PCDHGB1: variants seen among roughly 807,000 people sequenced by gnomAD.
The protein encoded by PCDHGB1 is protocadherin gamma-B1.
PCDHGB1 carries 34 observed loss-of-function variants against 56.6 expected under a neutral mutation model. The ratio of observed to expected loss-of-function variants is 0.60; its 90% CI spans 0.46 to 0.80. The LOEUF is 0.80. PCDHGB1 is among the 30% of genes least tolerant of loss of function. The probability of loss-of-function intolerance (pLI) is 0.00; values close to 1 mark genes in which losing one functional copy is unlikely to be tolerated. For synonymous variants in PCDHGB1, 561 were observed against 505.9 expected (o/e 1.11, Z -1.46); for missense variants, 1,278 against 1,204.6 (o/e 1.06, Z -0.90).
intron 1 of PCDHGB1, chr5:141,359,969 T>G: frequency 3.0e-6 from 2 of 675,724 alleles, no homozygotes; most frequent in Non-Finnish European, 4.4e-6. Context: ...GAGAAGCGTT[T>G]GGGAGCCTCT....
At chr5:141,389,537 C>T in intron 1 of PCDHGB1, 2 of 1,613,216 alleles carry the variant, frequency 1.2e-6, no homozygotes, top group Non-Finnish European at 8.5e-7. Context: ...TGTTAGTGGA[C>T]GACCGCAACG....
intron 1 of PCDHGB1, chr5:141,389,586 G>T: frequency 6.2e-7 from 1 of 1,613,166 alleles, no homozygotes; most frequent in Non-Finnish European, 8.5e-7. Context: ...GCTGGGTCCC[G>T]ACGGCTCTGC....
intron 1 of PCDHGB1, chr5:141,371,441 G>C: frequency 1.2e-6 from 2 of 1,613,958 alleles, no homozygotes; most frequent in Non-Finnish European, 1.7e-6. Context: ...AGATAACCCT[G>C]GCTTCTGAAT....
At chr5:141,399,821 C>T in intron 1 of PCDHGB1, 1 of 1,613,210 alleles carries the variant, frequency 6.2e-7, no homozygotes, top group Non-Finnish European at 8.5e-7. Flanking sequence ...GCGCTGGGTC[C>T]CGACGGCTCT....
intron 1 of PCDHGB1, chr5:141,398,772 G>A: frequency 6.2e-7 from 1 of 1,613,910 alleles, no homozygotes; most frequent in South Asian, 1.1e-5. Flanking sequence ...TGACTGCCTT[G>A]GACGGTGGAC....
chr5:141,355,826 A>G, intron 1 of PCDHGB1: 1 of 1,612,512 alleles, frequency 6.2e-7, no homozygotes, highest in Admixed American at 1.7e-5. Context: ...GCGGTTCACC[A>G]CCTCGTTCTC....
intron 1 of PCDHGB1, among the ~76,000 whole-genome samples, chr5:141,451,493 T>C (rs1554137340): frequency 2.0e-5 from 3 of 152,230 alleles, no homozygotes; most frequent in Admixed American, 2.0e-4. Context: ...TGGACCTCCA[T>C]AGGGCAACCA....
At position 141,511,456 on chromosome 5, in the gene PCDHGB1, C is replaced by A. The variant is rs900802210; in HGVS notation, c.*283C>A. ...TACTGTAGACACCAAGAACCATTTG[C>A]CACACCCCGTTTAGTTACAGCTGAA... On this transcript the variant is annotated 3_prime_UTR_variant, in exon 4 of 4. Transcript: ENST00000523390. 3.4e-6 allele frequency: 2 copies of A among 585,210 alleles called. No homozygotes were observed. The highest frequency in any genetic ancestry group is 5.7e-6 in the Non-Finnish European group (2 of 351,786). 36.3% of individuals were successfully genotyped at this position (585,210 alleles called of 1,614,324 possible).
Position 141,489,352 on chromosome 5 carries a change from G to A in PCDHGB1, c.2410-5455G>A, listed in dbSNP as rs1336068787. 1.9e-6 allele frequency: 3 copies of A among 1,612,152 alleles called. No homozygotes were observed. In the Admixed American group the frequency reaches 5.0e-5, roughly 27 times the overall value. On this transcript the variant is annotated intron_variant, in intron 1 of 3. Transcript: ENST00000523390. The surrounding 1 kb of genome is among the most constrained non-coding windows in gnomAD (Gnocchi z 4.5). ...GCAGCTTCGTTACTCAGTGGTGGAG[G>A]AGTCTGAGCCGGGGACGCTGGTGGG...
At position 141,485,122 on chromosome 5, in the gene PCDHGB1, G is replaced by C. The variant is rs1000179570; in HGVS notation, c.2410-9685G>C. The stretch of plus-strand genomic sequence containing the variant: ...CAGCTGCTGTGGCTGTTTGGGGCGG[G>C]TCGGCTTCATCCGCGTCTCAGGAGC... On this transcript the variant is annotated intron_variant, in intron 1 of 3. Transcript: ENST00000523390. This position sits in a 1 kb window ranked among gnomAD's most constrained non-coding sequence, Gnocchi z 5.7. The C allele has an allele frequency of 4.3e-6, 6 of 1,387,506 alleles. No individual in the cohort carries two copies. In the African/African-American group the frequency reaches 8.5e-5, roughly 20 times the overall value. The allele number at this position is 1,387,506 out of a possible 1,614,324, so 85.9% of individuals were successfully genotyped here. A position where few individuals can be genotyped will look rare whatever the true frequency, so the allele number is the denominator to read the frequency against.
intron 1 of PCDHGB1, chr5:141,366,246 A>G: frequency 6.2e-7 from 1 of 1,613,762 alleles, no homozygotes; most frequent in Non-Finnish European, 8.5e-7. Context: ...GACGCGCTCA[A>G]GCAGAGCCTC....
chr5:141,388,415 T>C, intron 1 of PCDHGB1: 2 of 1,613,894 alleles, frequency 1.2e-6, no homozygotes, highest in Non-Finnish European at 1.7e-6. Flanking sequence ...CCAGTGATCA[T>C]TTCTCACTGA....
chr5:141,474,135 G>C (rs1032470573), intron 1 of PCDHGB1, among the ~76,000 whole-genome samples: 2 of 152,062 alleles, frequency 1.3e-5, no homozygotes, highest in Admixed American at 1.3e-4. Context: ...GAAAACTACA[G>C]GCCTTATTAT....
chr5:141,366,389 C>G, intron 1 of PCDHGB1: 1 of 1,614,168 alleles, frequency 6.2e-7, no homozygotes. Flanking sequence ...CCCTGAGGAT[C>G]TGGACCTCAC....
chr5:141,374,994 C>T, intron 1 of PCDHGB1: 1 of 1,614,038 alleles, frequency 6.2e-7, no homozygotes, highest in Non-Finnish European at 8.5e-7. Context: ...ATTTCAACTT[C>T]TGCAAATCTA....
chr5:141,497,323 G>A lies in PCDHGB1; in HGVS notation c.2468+2458G>A, dbSNP rs373068300. Reference sequence around the variant, plus strand: ...CAGGCCATACACTGGCTTTGAAGCAGAATTCACCATTGAACCTGGAAGCCC... The same window carrying A: ...CAGGCCATACACTGGCTTTGAAGCAAAATTCACCATTGAACCTGGAAGCCC... On this transcript the variant is annotated intron_variant, in intron 2 of 3. Transcript: ENST00000523390. 1.2e-4 allele frequency among the ~76,000 whole-genome samples: 19 copies of A among 152,204 alleles called. No homozygotes were observed. In the East Asian group the frequency reaches 3.5e-3, roughly 28 times the overall value.
At position 141,357,551 on chromosome 5, in the gene PCDHGB1, G is replaced by A. The variant is rs776549222; in HGVS notation, c.2409+4882G>A. 1.2e-6 allele frequency: 2 copies of A among 1,614,242 alleles called. No homozygotes were observed. Among genetic ancestry groups the A allele is most frequent in the Non-Finnish European group, 8.5e-7 (1 of 1,180,048 alleles). On this transcript the variant is annotated intron_variant, in intron 1 of 3. Transcript: ENST00000523390. ...GCAGACACGCTCATCAGCCGGGAGA[G>A]TTGTGAGAAAAGCGAGCCTCTTCTG...
At chr5:141,434,431 T>C (rs931458644) in intron 1 of PCDHGB1, among the ~76,000 whole-genome samples, 2 of 152,186 alleles carry the variant, frequency 1.3e-5, no homozygotes, top group African/African-American at 2.4e-5. Context: ...ATGATGGCCG[T>C]AATGCCCATG....
chr5:141,399,199 C>T (rs2093768918), intron 1 of PCDHGB1: 8 of 1,613,876 alleles, frequency 5.0e-6, no homozygotes, highest in Non-Finnish European at 6.8e-6. Flanking sequence ...AAACGCGGTG[C>T]CTGGAACACT....
Sources: allele counts gnomAD v4.1 joint callset (sites outside exome capture counted in the v4.1 genomes callset), GRCh38; gene constraint gnomAD v4.1.1; non-coding constraint Gnocchi (gnomAD v3.1); transcripts MANE v1.5; gene names NCBI Gene and HGNC (gene_info 2026-07-23, HGNC 2026-07-21).